ERC2: variants seen among roughly 807,000 people sequenced by gnomAD.
The protein encoded by ERC2 is ERC protein 2.
Under a neutral mutation model 114.8 loss-of-function variants are expected in ERC2, and 42 were observed. That is an observed-to-expected ratio of 0.37 (90% CI 0.29 to 0.47). The LOEUF is 0.47. Ranked by LOEUF, ERC2 falls within the 20% of genes least tolerant of loss-of-function variation. The pLI is 0.99. For missense variants in ERC2, 939 were observed against 1,150.7 expected (o/e 0.82, Z 2.66); for synonymous variants, 454 against 425.5 (o/e 1.07, Z -0.82).
At chr3:56,000,044 T>C (rs938282746) in intron 10 of ERC2, among the ~76,000 whole-genome samples, 1 of 151,856 alleles carries the variant, frequency 6.6e-6, no homozygotes, top group Non-Finnish European at 1.5e-5. Context: ...ACTGAACAGA[T>C]GCTTAGAAAC....
At chr3:56,320,491 T>A (rs2057077697) in intron 2 of ERC2, among the ~76,000 whole-genome samples, 1 of 152,186 alleles carries the variant, frequency 6.6e-6, no homozygotes, top group South Asian at 2.1e-4. Context: ...TTTACAGGAA[T>A]TTTGCTAGTC....
intron 3 of ERC2, among the ~76,000 whole-genome samples, chr3:56,242,911 A>G (rs1482864856): frequency 6.6e-6 from 1 of 152,202 alleles, no homozygotes; most frequent in Admixed American, 6.5e-5. Context: ...ATATCTCTAA[A>G]TGTAGCTGAA....
chr3:56,285,458 C>T (rs962878388), intron 3 of ERC2, among the ~76,000 whole-genome samples: 5 of 152,030 alleles, frequency 3.3e-5, no homozygotes, highest in African/African-American at 1.2e-4. Context: ...CTTGCCCAAT[C>T]GTCAACCTTG....
At chr3:55,789,874 T>C (rs2069844184) in intron 14 of ERC2, among the ~76,000 whole-genome samples, 2 of 152,172 alleles carry the variant, frequency 1.3e-5, no homozygotes, top group South Asian at 4.1e-4. Context: ...GTGATGTGAT[T>C]TGGCAGCCAG....
intron 10 of ERC2, among the ~76,000 whole-genome samples, chr3:55,999,536 G>A (rs953271542): frequency 6.6e-6 from 1 of 151,860 alleles, no homozygotes; most frequent in African/African-American, 2.4e-5. Flanking sequence ...CCAAAAATTT[G>A]TTATGTGGCC....
chr3:56,343,814 T>C (rs1313291559), intron 2 of ERC2, among the ~76,000 whole-genome samples: 1 of 152,150 alleles, frequency 6.6e-6, no homozygotes, highest in Non-Finnish European at 1.5e-5. Flanking sequence ...TATTGTAAAG[T>C]TCAGTTTTTT....
chr3:56,106,294 A>C (rs2078660341), intron 6 of ERC2, among the ~76,000 whole-genome samples: 1 of 152,212 alleles, frequency 6.6e-6, no homozygotes, highest in Non-Finnish European at 1.5e-5. Flanking sequence ...ATAGAATTAC[A>C]CTGGCCCCAT....
At chr3:55,593,433 T>G (rs186588216) in intron 17 of ERC2, among the ~76,000 whole-genome samples, 1 of 152,318 alleles carries the variant, frequency 6.6e-6, no homozygotes, top group East Asian at 1.9e-4. Flanking sequence ...CTTTCCTTCA[T>G]GGTGTCCCTT....
chr3:56,205,833 G>A (rs935581694), intron 3 of ERC2, among the ~76,000 whole-genome samples: 1 of 152,148 alleles, frequency 6.6e-6, no homozygotes, highest in African/African-American at 2.4e-5. Context: ...ACCTAACCCT[G>A]CTGAATGGCT....
intron 14 of ERC2, among the ~76,000 whole-genome samples, chr3:55,861,912 G>A (rs1575898261): frequency 2.6e-5 from 4 of 152,290 alleles, no homozygotes; most frequent in Admixed American, 2.6e-4. Context: ...GTAAAACACT[G>A]AGCCCTGTAC....
chr3:55,579,232 C>G (rs533946268), intron 17 of ERC2, among the ~76,000 whole-genome samples: 2 of 152,206 alleles, frequency 1.3e-5, no homozygotes, highest in African/African-American at 4.8e-5. Flanking sequence ...AAGGACAGAC[C>G]TCAATGAGCA....
chr3:55,566,054 G>A (rs1002314303), intron 17 of ERC2, among the ~76,000 whole-genome samples: 1 of 152,150 alleles, frequency 6.6e-6, no homozygotes, highest in Non-Finnish European at 1.5e-5. Flanking sequence ...TGAGTATTCT[G>A]GCTCTGGATG....
intron 10 of ERC2, among the ~76,000 whole-genome samples, chr3:56,002,120 G>C (rs2072120705): frequency 6.6e-6 from 1 of 152,126 alleles, no homozygotes; most frequent in African/African-American, 2.4e-5. Flanking sequence ...AATAAAATGT[G>C]TTGTAAAGAA....
chr3:56,102,933 C>T (rs549804449), intron 6 of ERC2, among the ~76,000 whole-genome samples: 198 of 152,274 alleles, frequency 1.3e-3, no homozygotes, highest in African/African-American at 4.5e-3. Context: ...AAGTTCCACG[C>T]TCTGTTGCTG....
intron 13 of ERC2, among the ~76,000 whole-genome samples, chr3:55,907,066 C>G (rs1380083469): frequency 2.0e-5 from 3 of 152,118 alleles, no homozygotes; most frequent in Non-Finnish European, 4.4e-5. Context: ...TGGCCTTCAC[C>G]CAACACCTAG....
intron 5 of ERC2, among the ~76,000 whole-genome samples, chr3:56,144,360 A>C (rs913625942): frequency 2.6e-5 from 4 of 152,236 alleles, no homozygotes; most frequent in Non-Finnish European, 5.9e-5. Context: ...AAAATCTGTT[A>C]TGATCAACAC....
intron 2 of ERC2, among the ~76,000 whole-genome samples, chr3:56,423,095 A>G (rs1206833293): frequency 2.0e-5 from 3 of 152,248 alleles, no homozygotes; most frequent in Non-Finnish European, 4.4e-5. Context: ...TTGAAGATTC[A>G]TGATTACCAA....
At chr3:56,052,397 C>T (rs1419094731) in intron 7 of ERC2, among the ~76,000 whole-genome samples, 1 of 152,206 alleles carries the variant, frequency 6.6e-6, no homozygotes, top group Non-Finnish European at 1.5e-5. Flanking sequence ...CAAACTCCCG[C>T]CCACAGGCCA....
At chr3:55,616,779 CAGTT>C (rs1242624516) in intron 17 of ERC2, among the ~76,000 whole-genome samples, 2 of 152,012 alleles carry the variant, frequency 1.3e-5, no homozygotes, top group Admixed American at 6.6e-5. Context: ...TCAAGGCACA[CAGTT>C]AGACACAGAG....
Sources: gnomAD v4.1 joint callset for allele counts (sites outside exome capture counted in the v4.1 genomes callset) on GRCh38, gnomAD v4.1.1 for gene constraint, MANE v1.5 for transcripts, NCBI Gene and HGNC (gene_info 2026-07-23, HGNC 2026-07-21) for gene names.